The following TJP2 variants were observed in gnomAD, a reference collection of about 807,000 sequenced individuals.
The protein encoded by TJP2 is tight junction protein 2, also known as Friedreich ataxia region gene X104 (tight junction protein ZO-2).
TJP2 carries 91 observed loss-of-function variants against 133.1 expected under a neutral mutation model. The observed-to-expected ratio is 0.68, with a 90% CI of 0.58 to 0.81. The LOEUF is 0.81. Among genes scored for constraint, TJP2 ranks in the 40% least tolerant of loss-of-function variants. The probability of loss-of-function intolerance (pLI) is 0.00; values close to 1 mark genes in which losing one functional copy is unlikely to be tolerated. For missense variants in TJP2, 1,541 were observed against 1,565.6 expected, an observed-to-expected ratio of 0.98 and a Z score of 0.26; for synonymous variants, 592 against 583.4, an observed-to-expected ratio of 1.01 and a Z score of -0.21.
upstream of TJP2, among the ~76,000 whole-genome samples, chr9:69,169,993 A>G (rs1824591172): frequency 6.6e-6 from 1 of 152,016 alleles, no homozygotes; most frequent in East Asian, 1.9e-4. Context: ...GGCACATGCT[A>G]CCATGCCCAG....
chr9:69,240,203 A>C, intron 17 of TJP2, 56 bp downstream of exon 17: 2 of 1,469,566 alleles, frequency 1.4e-6, no homozygotes, highest in South Asian at 2.4e-5. Context: ...AAAGAATTGA[A>C]GAGTAGAAGA....
chr9:69,156,361 CA>C (rs919692313), intron 2 of TJP2, among the ~76,000 whole-genome samples: 2 of 150,344 alleles, frequency 1.3e-5, no homozygotes, highest in East Asian at 1.9e-4. Context: ...GACTCTGTCC[CA>C]AAAAAAAAGA....
In TJP2 at chr9:69,225,395, C is replaced by T. The variant is rs750420311; in HGVS notation, c.1044C>T (p.Asp348=). The stretch of plus-strand genomic sequence containing the variant: ...AAGATGGCAACCTTCACGAAGGAGA[C>T]ATAATTCTCAAGGTGGGTAGATGGG... ...ATKDGNLHEG[D]IILKINGTVT... The change falls in exon 6 of 23, where the codon GAC becomes GAT. Residue 348 remains aspartate, a synonymous_variant. Transcript: ENST00000377245. 19 of 1,612,578 alleles carry T rather than the reference C, an allele frequency of 1.2e-5. No homozygotes were observed. The South Asian group carries it at 2.1e-4, about 18-fold the overall frequency.
At chr9:69,198,527 C>A (rs1420071383) in intron 1 of TJP2, among the ~76,000 whole-genome samples, 3 of 151,882 alleles carry the variant, frequency 2.0e-5, no homozygotes, top group African/African-American at 4.8e-5. Context: ...TTAAAAAACA[C>A]AACTCAGTAA....
chr9:69,206,435 T>C (rs979759962), intron 1 of TJP2, among the ~76,000 whole-genome samples: 9 of 152,166 alleles, frequency 5.9e-5, no homozygotes, highest in African/African-American at 4.8e-5. Flanking sequence ...CTCTTCACTT[T>C]GCAAAATTCT....
chr9:69,209,712 C>T (rs1175074175), intron 1 of TJP2, among the ~76,000 whole-genome samples: 6 of 150,820 alleles, frequency 4.0e-5, no homozygotes, highest in Non-Finnish European at 8.9e-5. Flanking sequence ...CCAGATCGTG[C>T]CATTGCACTC....
rs1372974314 is a variant in TJP2 at position 69,252,851 on chromosome 9, G to A, written c.3358G>A (p.Val1120Ile). 2 of 1,614,158 alleles carry A rather than the reference G, an allele frequency of 1.2e-6. No individual in the cohort carries two copies. The highest frequency in any genetic ancestry group is 2.2e-5 in the East Asian group (1 of 44,876). The change falls in exon 22 of 23, where the codon GTT (valine) becomes ATT (isoleucine). Residue 1120 changes from valine (V) to isoleucine (I), a missense_variant. Coordinates refer to ENST00000377245, the MANE Select transcript of TJP2 (RefSeq NM_004817.4). ...IAQKHPDIYA[V>I]PIKTHKPDPG... is the part of the protein sequence containing the mutation. ...CCAGAAGCATCCTGATATCTATGCA[G>A]TTCCAATCAAAACGCACAAGCCAGA...
intron 2 of TJP2, among the ~76,000 whole-genome samples, chr9:69,153,815 A>T (rs531500014): frequency 1.3e-5 from 2 of 152,164 alleles, no homozygotes; most frequent in African/African-American, 4.8e-5. Flanking sequence ...CATCAATTTG[A>T]TTGCCTAAGT....
upstream of TJP2, among the ~76,000 whole-genome samples, chr9:69,173,851 G>A (rs986061291): frequency 2.6e-5 from 4 of 152,192 alleles, no homozygotes; most frequent in Non-Finnish European, 5.9e-5. Context: ...AGCGCCCGGA[G>A]CTCACTCCAG....
chr9:69,224,616 G>A (rs1829187749), intron 5 of TJP2, among the ~76,000 whole-genome samples: 1 of 152,158 alleles, frequency 6.6e-6, no homozygotes, highest in African/African-American at 2.4e-5. Flanking sequence ...GGCAGAGGTT[G>A]CAGTGAGCTG....
intron 1 of TJP2, among the ~76,000 whole-genome samples, chr9:69,130,625 G>A (rs985258077): frequency 2.0e-5 from 3 of 152,178 alleles, no homozygotes; most frequent in African/African-American, 7.2e-5. Flanking sequence ...GAACTTGCAT[G>A]ACGGAAGGGG....
intron 1 of TJP2, among the ~76,000 whole-genome samples, chr9:69,210,953 C>T (rs1479454728): frequency 2.0e-5 from 3 of 152,080 alleles, no homozygotes; most frequent in Admixed American, 6.5e-5. Context: ...CCCTTGAACT[C>T]CTAGGCTCAA....
At chr9:69,169,558 C>T (rs1175675791), upstream of TJP2, among the ~76,000 whole-genome samples, 2 of 151,940 alleles carry the variant, frequency 1.3e-5, no homozygotes, top group East Asian at 3.9e-4. Flanking sequence ...CGGGGTTTCA[C>T]CATGTTAGTC....
intron 1 of TJP2, among the ~76,000 whole-genome samples, chr9:69,148,801 A>G (rs968620742): frequency 2.0e-5 from 3 of 152,222 alleles, no homozygotes; most frequent in African/African-American, 7.2e-5. Flanking sequence ...AGTTCATTGA[A>G]ACAGAGATTG....
chr9:69,236,249 T>C lies in TJP2; in HGVS notation c.1991+11T>C. ...CCCCAACAAGAGCAGGTAACAGAGA[T>C]CGCATTCTCACATACCCCTTTTAAT... On this transcript the variant is annotated intron_variant, in intron 13 of 22. Coordinates refer to ENST00000377245, the MANE Select transcript of TJP2 (RefSeq NM_004817.4). The C allele has an allele frequency of 6.2e-7, 1 of 1,613,256 alleles. No homozygotes were observed. The highest frequency in any genetic ancestry group is 1.1e-5 in the South Asian group (1 of 91,030).
chr9:69,204,895 G>T, intron 1 of TJP2: 4 of 1,257,088 alleles, frequency 3.2e-6, no homozygotes, highest in Non-Finnish European at 4.0e-6. Context: ...GGATGCTCTA[G>T]TTCCCTGGCA....
At chr9:69,237,800 G>T (rs1004132458) in intron 14 of TJP2, 78 bp from the exon 15 acceptor site, 3 of 1,007,250 alleles carry the variant, frequency 3.0e-6, no homozygotes, top group Non-Finnish European at 4.7e-6. Context: ...GTTATCAAAA[G>T]CCCATACAAT....
chr9:69,248,366 A>G, intron 19 of TJP2, 142 bp downstream of exon 19: 1 of 1,447,300 alleles, frequency 6.9e-7, no homozygotes, highest in Non-Finnish European at 9.1e-7. Flanking sequence ...TCTCGCTTTG[A>G]GTCCACGCTG....
At chr9:69,253,196 G>A in intron 22 of TJP2, 1 of 443,728 alleles carries the variant, frequency 2.3e-6, no homozygotes, top group Non-Finnish European at 4.1e-6. Context: ...TAGCACATGA[G>A]CAGAATTCCT....
Sources: allele counts gnomAD v4.1 joint callset (sites outside exome capture counted in the v4.1 genomes callset), GRCh38; gene constraint gnomAD v4.1.1; transcripts MANE v1.5; gene names NCBI Gene and HGNC (gene_info 2026-07-23, HGNC 2026-07-21).